CLNK: variants seen among roughly 807,000 people sequenced by gnomAD.
The protein encoded by CLNK is cytokine-dependent hematopoietic cell linker.
Under a neutral mutation model 68.6 loss-of-function variants are expected in CLNK, and 74 were observed. That is an observed-to-expected ratio of 1.08 (90% CI 0.89 to 1.31). The LOEUF is 1.31. CLNK is among the 50% of genes most tolerant of loss of function. CLNK has a pLI of 0.00. For missense variants in CLNK, 553 were observed against 515.3 expected, an observed-to-expected ratio of 1.07 and a Z score of -0.71; for synonymous variants, 198 against 172.2, an observed-to-expected ratio of 1.15 and a Z score of -1.17.
intron 2 of CLNK, among the ~76,000 whole-genome samples, chr4:10,608,390 T>C (rs1721867892): frequency 1.3e-5 from 2 of 152,186 alleles, no homozygotes; most frequent in Non-Finnish European, 2.9e-5. Flanking sequence ...CCAACTCTCC[T>C]TGGTCTTCTG....
At chr4:10,640,186 G>A (rs192773520) in intron 2 of CLNK, among the ~76,000 whole-genome samples, 2 of 151,412 alleles carry the variant, frequency 1.3e-5, no homozygotes, top group East Asian at 3.9e-4. Context: ...TTTTTTTTGA[G>A]GCAGAGTCTT....
At position 10,528,095 on chromosome 4, in the gene CLNK, C is replaced by A; in HGVS notation, c.631-1G>T. 1 of 1,328,114 alleles carries A rather than the reference C, an allele frequency of 7.5e-7. No homozygotes were observed. The highest frequency in any genetic ancestry group is 9.8e-7 in the Non-Finnish European group (1 of 1,016,150). 82.3% of individuals were successfully genotyped at this position (1,328,114 alleles called of 1,614,324 possible). A position where few individuals can be genotyped will look rare whatever the true frequency, so the allele number is the denominator to read the frequency against. On this transcript the variant is annotated splice_acceptor_variant, in intron 12 of 18. Transcript: ENST00000226951. LOFTEE classifies it high-confidence loss of function. Reference sequence around the variant, plus strand: ...ATTCACCTTTTTCTGCTTCAAGGACCTGTATTGAATTAAAAAAAATAAAAT... The same window carrying A: ...ATTCACCTTTTTCTGCTTCAAGGACATGTATTGAATTAAAAAAAATAAAAT...
the CLNK span, among the ~76,000 whole-genome samples, chr4:10,694,723 G>C: frequency 6.6e-6 from 1 of 152,100 alleles, no homozygotes; most frequent in Non-Finnish European, 1.5e-5. Context: ...ACTCATGACT[G>C]TATTATGTTA....
At chr4:10,712,937 A>G in the CLNK span, among the ~76,000 whole-genome samples, 1 of 152,230 alleles carries the variant, frequency 6.6e-6, no homozygotes, top group Non-Finnish European at 1.5e-5. Flanking sequence ...GTTAATTTCA[A>G]CATCTCAATG....
At chr4:10,571,900 G>A in intron 4 of CLNK, 122 bp from the exon 5 acceptor site, 4 of 731,014 alleles carry the variant, frequency 5.5e-6, no homozygotes, top group South Asian at 5.2e-5. Context: ...TACCTTGATT[G>A]TGATTTTTCA....
chr4:10,685,358 G>C (rs1725231278), upstream of CLNK, among the ~76,000 whole-genome samples: 1 of 151,874 alleles, frequency 6.6e-6, no homozygotes, highest in South Asian at 2.1e-4. Context: ...CCTTCATTGA[G>C]GAAATGATAT....
the CLNK span, among the ~76,000 whole-genome samples, chr4:10,693,004 TG>T: frequency 6.6e-6 from 1 of 152,216 alleles, no homozygotes; most frequent in Non-Finnish European, 1.5e-5. Flanking sequence ...CTGATCAATC[TG>T]GGGACATAAT....
chr4:10,597,998 G>C lies in CLNK; in HGVS notation c.63C>G (p.Asn21Lys). Residue 21 changes from asparagine to lysine, a missense_variant, in exon 3 of 19, where the codon AAC becomes AAG. Physicochemically the swap from Asn to Lys is moderately conservative, Grantham distance 94. Coordinates refer to ENST00000226951, the MANE Select transcript of CLNK (RefSeq NM_052964.4). The part of the protein sequence containing the change: ...KEGSNDLKFQ[N>K]FSLPKNRSWP... The stretch of plus-strand genomic sequence containing the variant: ...CTGACCTGTTTTTTGGCAGACTGAA[G>C]TTCTGGAATTTCAAATCGTTGGATC... The C allele has an allele frequency of 6.3e-7, 1 of 1,586,610 alleles. No homozygotes were observed. The highest frequency in any genetic ancestry group is 1.2e-5 in the South Asian group (1 of 86,856).
intron 2 of CLNK, among the ~76,000 whole-genome samples, chr4:10,623,316 C>G (rs573132272): frequency 2.0e-5 from 3 of 152,276 alleles, no homozygotes; most frequent in East Asian, 1.9e-4. Context: ...ATCAGAGAAG[C>G]AGCCGTCTTA....
chr4:10,569,246 G>A (rs1288736185), intron 5 of CLNK, among the ~76,000 whole-genome samples: 12 of 147,538 alleles, frequency 8.1e-5, no homozygotes. Flanking sequence ...AGGAGACCAG[G>A]TTACAGACCA....
intron 2 of CLNK, among the ~76,000 whole-genome samples, chr4:10,661,177 A>C (rs1724179300): frequency 6.6e-6 from 1 of 152,174 alleles, no homozygotes; most frequent in African/African-American, 2.4e-5. Flanking sequence ...ACATGTCATG[A>C]AGGAAAATAA....
chr4:10,497,883 C>G (rs913012978), intron 18 of CLNK, among the ~76,000 whole-genome samples: 3 of 152,334 alleles, frequency 2.0e-5, no homozygotes, highest in East Asian at 1.9e-4. Flanking sequence ...CCCTTAAACC[C>G]AAGCATTTAA....
chr4:10,612,228 C>T lies in CLNK; in HGVS notation c.12-14179G>A, dbSNP rs145597867. Among the ~76,000 whole-genome samples, 498 of 152,300 alleles carry T rather than the reference C, an allele frequency of 3.3e-3. 4 individuals are homozygous for T. The highest frequency in any genetic ancestry group is 0.012 in the African/African-American group (480 of 41,566). On this transcript the variant is annotated intron_variant, in intron 2 of 18. Transcript: ENST00000226951. ...TATTCCCAGCTCTTAGAATGGGGCC[C>T]CGCCCACAGGAAGAGTTCAATACAG...
the CLNK span, among the ~76,000 whole-genome samples, chr4:10,706,622 G>T: frequency 6.6e-6 from 1 of 152,284 alleles, no homozygotes; most frequent in African/African-American, 2.4e-5. Flanking sequence ...GTCCTGAGCT[G>T]CCCAACTATT....
intron 3 of CLNK, among the ~76,000 whole-genome samples, chr4:10,590,693 G>C (rs1721152292): frequency 6.6e-6 from 1 of 152,146 alleles, no homozygotes; most frequent in African/African-American, 2.4e-5. Context: ...ATTTTTGAAA[G>C]ACAATTTGTA....
the CLNK span, among the ~76,000 whole-genome samples, chr4:10,690,920 A>G: frequency 6.6e-6 from 1 of 152,166 alleles, no homozygotes; most frequent in African/African-American, 2.4e-5. Context: ...ACCAGTAATA[A>G]ATAAATGTGT....
intron 12 of CLNK, among the ~76,000 whole-genome samples, chr4:10,530,046 C>T (rs999588166): frequency 2.0e-5 from 3 of 151,526 alleles, no homozygotes; most frequent in Non-Finnish European, 4.4e-5. Flanking sequence ...TTTCTTTCAC[C>T]TTCTCTGCCC....
the CLNK span, among the ~76,000 whole-genome samples, chr4:10,718,735 CAGTA>C: frequency 6.6e-6 from 1 of 151,948 alleles, no homozygotes; most frequent in Non-Finnish European, 1.5e-5. Flanking sequence ...AGAAATAACA[CAGTA>C]AGCTAAAATA....
intron 2 of CLNK, among the ~76,000 whole-genome samples, chr4:10,621,137 C>T (rs1332784648): frequency 6.6e-6 from 1 of 152,018 alleles, no homozygotes; most frequent in Non-Finnish European, 1.5e-5. Context: ...TACCTCAGTA[C>T]CTCAGTCACC....
Sources: gnomAD v4.1 joint callset for allele counts (sites outside exome capture counted in the v4.1 genomes callset) on GRCh38, gnomAD v4.1.1 for gene constraint, MANE v1.5 for transcripts, NCBI Gene and HGNC (gene_info 2026-07-23, HGNC 2026-07-21) for gene names.